The following GRIA1 variants were observed in gnomAD, a reference collection of about 807,000 sequenced individuals.
The protein encoded by GRIA1 is glutamate ionotropic receptor AMPA type subunit 1.
Under a neutral mutation model 99.2 loss-of-function variants are expected in GRIA1, and 31 were observed. The observed-to-expected ratio is 0.31, with a 90% confidence interval of 0.23 to 0.42. GRIA1 has a LOEUF of 0.42. Ranked by LOEUF, GRIA1 falls within the 10% of genes least tolerant of loss-of-function variation. GRIA1 has a pLI of 1.00. For synonymous variants in GRIA1, 438 were observed against 432.4 expected (o/e 1.01, Z -0.16); for missense variants, 782 against 1,157.5 (o/e 0.68, Z 4.71).
intron 2 of GRIA1, 110 bp from the exon 3 acceptor site, chr5:153,646,818 G>T: frequency 8.6e-7 from 1 of 1,158,704 alleles, no homozygotes; most frequent in Non-Finnish European, 1.3e-6. Flanking sequence ...GATGACAGTT[G>T]GGTGGATAAT....
intron 2 of GRIA1, among the ~76,000 whole-genome samples, chr5:153,541,074 C>A (rs766211165): frequency 2.0e-5 from 3 of 152,158 alleles, no homozygotes; most frequent in South Asian, 4.1e-4. Flanking sequence ...TTGAGCATAC[C>A]TCTACTTTCC....
chr5:153,600,736 C>G (rs1764878284), intron 2 of GRIA1, among the ~76,000 whole-genome samples: 1 of 152,206 alleles, frequency 6.6e-6, no homozygotes. Flanking sequence ...TGGAACCTTG[C>G]TGCTAAAAAT....
chr5:153,657,692 A>C (rs891452833), intron 5 of GRIA1, among the ~76,000 whole-genome samples: 1 of 152,334 alleles, frequency 6.6e-6, no homozygotes, highest in Admixed American at 6.5e-5. Context: ...ATCCAGCCTT[A>C]GATAGATCCC....
intron 11 of GRIA1, among the ~76,000 whole-genome samples, chr5:153,754,543 G>A (rs1762701392): frequency 6.6e-6 from 1 of 152,170 alleles, no homozygotes; most frequent in Admixed American, 6.5e-5. Context: ...ACTTTTGTGG[G>A]AAGGCTTTGG....
At position 153,811,094 on chromosome 5, in the gene GRIA1, G is replaced by A. The variant is rs146638712; in HGVS notation, c.2590G>A (p.Gly864Arg). Residue 864 changes from glycine to arginine, a missense_variant, in exon 16 of 16, where the codon GGG becomes AGG. Physicochemically the swap from Gly to Arg is moderately radical, Grantham distance 125 (BLOSUM62 -2). Transcript: ENST00000285900. ...IRTSTLPRNS[G>R]AGASSGGSGE... ...GACATCGACCCTCCCCCGCAACAGC[G>A]GGGCAGGAGCCAGCAGCGGCGGCAG... 5.0e-6 allele frequency: 8 copies of A among 1,613,900 alleles called. No individual in the cohort carries two copies. In the African/African-American group the frequency reaches 8.0e-5, roughly 16 times the overall value.
intron 2 of GRIA1, among the ~76,000 whole-genome samples, chr5:153,625,728 A>C (rs1253469039): frequency 6.6e-6 from 1 of 152,252 alleles, no homozygotes; most frequent in Non-Finnish European, 1.5e-5. Flanking sequence ...AGAAAATTCA[A>C]ACAGGATCCA....
intron 11 of GRIA1, among the ~76,000 whole-genome samples, chr5:153,706,950 A>AAAC (rs1341834927): frequency 6.6e-6 from 1 of 151,896 alleles, no homozygotes; most frequent in Non-Finnish European, 1.5e-5. Flanking sequence ...AAAAATAATA[A>AAAC]AACAATAATA....
chr5:153,802,172 T>G (rs1470143343), intron 14 of GRIA1, among the ~76,000 whole-genome samples, 184 bp from the exon 15 acceptor site: 1 of 152,066 alleles, frequency 6.6e-6, no homozygotes, highest in Non-Finnish European at 1.5e-5. Flanking sequence ...ACACACACAC[T>G]TTTTTCCTGG....
At chr5:153,604,611 C>T (rs1765290796) in intron 2 of GRIA1, among the ~76,000 whole-genome samples, 1 of 152,174 alleles carries the variant, frequency 6.6e-6, no homozygotes, top group African/African-American at 2.4e-5. Flanking sequence ...TCTCTCCAAA[C>T]AGAACCTCTA....
intron 2 of GRIA1, among the ~76,000 whole-genome samples, chr5:153,522,735 C>T (rs1408912140): frequency 6.6e-6 from 1 of 152,174 alleles, no homozygotes; most frequent in Admixed American, 6.5e-5. Context: ...TTTCCACACA[C>T]AGTTCATTGG....
chr5:153,516,111 T>C (rs1756603124), intron 2 of GRIA1, among the ~76,000 whole-genome samples: 2 of 151,840 alleles, frequency 1.3e-5, no homozygotes, highest in African/African-American at 4.8e-5. Context: ...TCCCAGCTGC[T>C]CAGAAGGCTA....
intron 2 of GRIA1, among the ~76,000 whole-genome samples, chr5:153,573,512 G>C (rs937211): frequency 0.99 from 150,600 of 152,204 alleles, 74,535 homozygotes; most frequent in East Asian, 1. Context: ...TCATCATTTT[G>C]ATATGTGGAA....
chr5:153,760,712 G>A lies in GRIA1; in HGVS notation c.1824-3722G>A, dbSNP rs112468404. On this transcript the variant is annotated intron_variant, in intron 11 of 15. Transcript: ENST00000285900. ...ATGAAATAACAAAAGACCCTGAAGAGCCAAGGCAATCTTGAACAAAAAGAA... is the reference window on the plus strand; with the variant it reads ...ATGAAATAACAAAAGACCCTGAAGAACCAAGGCAATCTTGAACAAAAAGAA... 6.0e-3 allele frequency among the ~76,000 whole-genome samples: 918 copies of A among 152,134 alleles called. 10 individuals are homozygous for A. The highest frequency in any genetic ancestry group is 0.021 in the African/African-American group (873 of 41,520).
Position 153,706,082 on chromosome 5 carries a change from C to T in GRIA1, c.1823+15C>T. Reference sequence around the variant, plus strand: ...ATTTCTCCCAGGTCAGTCAGCTCTTCTCAATCCCTTTGCCTAATGCTATGG... The same window carrying T: ...ATTTCTCCCAGGTCAGTCAGCTCTTTTCAATCCCTTTGCCTAATGCTATGG... On this transcript the variant is annotated intron_variant, in intron 11 of 15. Transcript: ENST00000285900. The T allele has an allele frequency of 6.2e-7, 1 of 1,612,104 alleles. No individual in the cohort carries two copies. Among genetic ancestry groups the T allele is most frequent in the Non-Finnish European group, 8.5e-7 (1 of 1,178,616 alleles).
chr5:153,552,913 C>A (rs976293973), intron 2 of GRIA1, among the ~76,000 whole-genome samples: 5 of 152,128 alleles, frequency 3.3e-5, no homozygotes, highest in Non-Finnish European at 7.4e-5. Flanking sequence ...TTATTTATTT[C>A]TCCAGCTTTT....
At chr5:153,566,668 G>A (rs924246331) in intron 2 of GRIA1, among the ~76,000 whole-genome samples, 3 of 147,652 alleles carry the variant, frequency 2.0e-5, no homozygotes, top group African/African-American at 5.0e-5. Context: ...ATGTTTTAAC[G>A]TATTCTAGTT....
intron 2 of GRIA1, among the ~76,000 whole-genome samples, chr5:153,590,918 G>T (rs1249284705): frequency 1.3e-5 from 2 of 152,198 alleles, no homozygotes; most frequent in Non-Finnish European, 2.9e-5. Context: ...TTGTAAGAGT[G>T]TGAAATGGTC....
At chr5:153,706,124 G>GTTTTTTTTTTTT in intron 11 of GRIA1, 57 bp downstream of exon 11, 1 of 1,498,020 alleles carries the variant, frequency 6.7e-7, no homozygotes, top group African/African-American at 1.4e-5. Flanking sequence ...TTGTTTGTTT[G>GTTTTTTTTTTTT]TTTGTTTGTT....
intron 9 of GRIA1, 95 bp from the exon 10 acceptor site, chr5:153,698,772 G>A: frequency 2.5e-6 from 2 of 797,916 alleles, no homozygotes; most frequent in Non-Finnish European, 4.4e-6. Flanking sequence ...CTTCCCCAGT[G>A]TTAACCAAAC....
Sources: gnomAD v4.1 joint callset for allele counts (sites outside exome capture counted in the v4.1 genomes callset) on GRCh38, gnomAD v4.1.1 for gene constraint, MANE v1.5 for transcripts, NCBI Gene and HGNC (gene_info 2026-07-23, HGNC 2026-07-21) for gene names.